The following NUBP2 variants were observed in gnomAD, a reference collection of about 807,000 sequenced individuals.
The protein encoded by NUBP2 is NUBP iron-sulfur cluster assembly factor 2, cytosolic.
In NUBP2, 23 loss-of-function variants were observed where a neutral mutation model predicts 24.9. That is an observed-to-expected ratio of 0.92 (90% confidence interval 0.66 to 1.31). NUBP2 has a LOEUF of 1.31. Among genes scored for constraint, NUBP2 ranks in the 50% most tolerant of loss-of-function variants. The pLI is 0.00. For synonymous variants in NUBP2, 186 were observed against 170.9 expected, an observed-to-expected ratio of 1.09 and a Z score of -0.69; for missense variants, 403 against 386.5, an observed-to-expected ratio of 1.04 and a Z score of -0.36.
rs1896795735 is a variant in NUBP2, at chr16:1,783,047, G to C, written c.16+11G>C. ...TGGAGGCGGCGGCCGGTGAGTGGCG[G>C]GCCAGGGTGCGGAGCCGCTCCAGGG... On this transcript the variant is annotated intron_variant, in intron 1 of 6. Transcript: ENST00000262302. 4 of 1,349,306 alleles carry C rather than the reference G, an allele frequency of 3.0e-6. No homozygotes were observed. In the East Asian group the frequency reaches 1.2e-4, roughly 42 times the overall value. 83.6% of individuals were successfully genotyped at this position (1,349,306 alleles called of 1,614,324 possible).
In NUBP2 at chr16:1,783,007, C is replaced by T; in HGVS notation, c.-14C>T. ...GTAAGCGGACTGCAGCCGCGAGCTC[C>T]TGGAGGCGGCGGGATGGAGGCGGCG... On this transcript the variant is annotated 5_prime_UTR_variant, in exon 1 of 7. Transcript: ENST00000262302. 4 of 1,395,196 alleles carry T rather than the reference C, an allele frequency of 2.9e-6. No homozygotes were observed. Among genetic ancestry groups the T allele is most frequent in the South Asian group, 1.5e-5 (1 of 68,156 alleles). 86.4% of individuals were successfully genotyped at this position (1,395,196 alleles called of 1,614,324 possible). A position where few individuals can be genotyped will look rare whatever the true frequency, so the allele number is the denominator to read the frequency against.
chr16:1,784,482 A>G, intron 1 of NUBP2: 1 of 151,738 alleles, frequency 6.6e-6, no homozygotes, highest in Admixed American at 6.6e-5. Context: ...GGCTCACTGC[A>G]ATCTCCACCT....
intron 1 of NUBP2, chr16:1,784,032 G>A: frequency 1.0e-6 from 1 of 985,174 alleles, no homozygotes; most frequent in Non-Finnish European, 1.2e-6. Context: ...GCCTGGAAAA[G>A]CCTGTCCTTA....
intron 1 of NUBP2, chr16:1,785,926 A>G (rs868551383): frequency 1.6e-6 from 2 of 1,278,912 alleles, no homozygotes; most frequent in Middle Eastern, 4.9e-4. Flanking sequence ...GGTTTTGCCA[A>G]GGTATCTGCA....
rs1026266472 is a variant in NUBP2, at chr16:1,782,992, T to C, written c.-29T>C. ...TGACGGCCCGCGGGCGTAAGCGGACTGCAGCCGCGAGCTCCTGGAGGCGGC... is the reference window on the plus strand; with the variant it reads ...TGACGGCCCGCGGGCGTAAGCGGACCGCAGCCGCGAGCTCCTGGAGGCGGC... On this transcript the variant is annotated 5_prime_UTR_variant, in exon 1 of 7. Transcript: ENST00000262302. The C allele has an allele frequency of 5.7e-6, 8 of 1,401,870 alleles. No homozygotes were observed. The Admixed American group carries it at 1.5e-4, about 26-fold the overall frequency. The allele number at this position is 1,401,870 out of a possible 1,614,324, so 86.8% of individuals were successfully genotyped here.
chr16:1,783,382 G>C (rs1295188155), intron 1 of NUBP2: 2 of 1,071,966 alleles, frequency 1.9e-6, no homozygotes, highest in Non-Finnish European at 2.3e-6. Flanking sequence ...CCGCAGCCCG[G>C]GCAAGAGCGA....
intron 3 of NUBP2, 108 bp downstream of exon 3, chr16:1,787,063 C>A: frequency 9.0e-7 from 1 of 1,108,314 alleles, no homozygotes; most frequent in Non-Finnish European, 1.2e-6. Flanking sequence ...TTCCTGGGGA[C>A]CTGCACATGA....
At chr16:1,785,536 C>T (rs1896920602) in intron 1 of NUBP2, 1 of 1,210,238 alleles carries the variant, frequency 8.3e-7, no homozygotes, top group Admixed American at 3.1e-5. Flanking sequence ...TCTGCACGGG[C>T]CACTTCTGGT....
intron 4 of NUBP2, 50 bp downstream of exon 4, chr16:1,787,881 C>T (rs1192146314): frequency 6.2e-7 from 1 of 1,601,260 alleles, no homozygotes; most frequent in Admixed American, 1.7e-5. Flanking sequence ...TCCCAGAGGG[C>T]TGGGCGGGTG....
chr16:1,785,897 G>A (rs563780077), intron 1 of NUBP2: 15 of 1,286,414 alleles, frequency 1.2e-5, no homozygotes, highest in African/African-American at 1.5e-5. Flanking sequence ...CAGCGGTGGC[G>A]CCGGGGTGAG....
At chr16:1,788,543 GCCA>G in intron 6 of NUBP2, 23 bp from the exon 7 acceptor site, 1 of 1,579,358 alleles carries the variant, frequency 6.3e-7, no homozygotes, top group Non-Finnish European at 8.6e-7. Context: ...CGGACATGGC[GCCA>G]CCGCCTCCAC....
In NUBP2 at chr16:1,788,304, A is replaced by T. The variant is rs945316165; in HGVS notation, c.670+97A>T. On this transcript the variant is annotated intron_variant, in intron 6 of 6. Coordinates refer to ENST00000262302, the MANE Select transcript of NUBP2 (RefSeq NM_012225.4). ...ATGCCCCCAGTGCCCAAGGGAGAGG[A>T]GGGGACGGGAGCGGTTTCCTCCTCT... 5 of 1,232,342 alleles carry T rather than the reference A, an allele frequency of 4.1e-6. No homozygotes were observed. In the Admixed American group the frequency reaches 1.6e-4, roughly 39 times the overall value. The allele number at this position is 1,232,342 out of a possible 1,614,324, so 76.3% of individuals were successfully genotyped here. A position where few individuals can be genotyped will look rare whatever the true frequency, so the allele number is the denominator to read the frequency against.
intron 6 of NUBP2, 75 bp downstream of exon 6, chr16:1,788,282 C>T (rs1897085901): frequency 7.5e-7 from 1 of 1,329,496 alleles, no homozygotes; most frequent in Non-Finnish European, 1.0e-6. Flanking sequence ...GACCTCCATG[C>T]CCCCAGTGCC....
intron 1 of NUBP2, chr16:1,786,033 G>A (rs547549157): frequency 6.9e-6 from 8 of 1,167,200 alleles, no homozygotes; most frequent in Admixed American, 3.6e-5. Flanking sequence ...CTCACTTACC[G>A]CACATTGCAG....
intron 1 of NUBP2, 31 bp downstream of exon 1, chr16:1,783,067 C>G (rs1160143744): frequency 8.0e-7 from 1 of 1,254,262 alleles, no homozygotes; most frequent in African/African-American, 1.6e-5. Context: ...CGGAGCCGCT[C>G]CAGGGCCTCG....
rs118104889 is a variant in NUBP2 at position 1,786,062 on chromosome 16, G to T, written c.17-475G>T. ...ATTGCAGGGACCGAGAGCCGGGGAC[G>T]CTGGTGTGTGACAACGCGTGGTTGT... On this transcript the variant is annotated intron_variant, in intron 1 of 6. Transcript: ENST00000262302. 3 of 1,088,040 alleles carry T rather than the reference G, an allele frequency of 2.8e-6. No individual in the cohort carries two copies. The African/African-American group carries it at 5.0e-5, about 18-fold the overall frequency. The allele number at this position is 1,088,040 out of a possible 1,614,324, so 67.4% of individuals were successfully genotyped here. A position where few individuals can be genotyped will look rare whatever the true frequency, so the allele number is the denominator to read the frequency against.
rs370754192 is a variant in NUBP2 at position 1,787,657 on chromosome 16, C to T, written c.335-20C>T. 1.3e-4 allele frequency: 206 copies of T among 1,610,184 alleles called. No individual in the cohort carries two copies. Among genetic ancestry groups the T allele is most frequent in the Admixed American group, 1.8e-4 (11 of 59,964 alleles). ...CAGACCTGCCCTGCCCTGACCGCCC[C>T]GTCTGCCCCGTCTTTGCAGCGCTGA... On this transcript the variant is annotated intron_variant, in intron 3 of 6. Transcript: ENST00000262302.
chr16:1,787,074 C>T (rs1897009447), intron 3 of NUBP2, 119 bp downstream of exon 3: 8 of 949,468 alleles, frequency 8.4e-6, no homozygotes, highest in South Asian at 2.0e-5. Flanking sequence ...CTGCACATGA[C>T]ACCCACGACC....
Position 1,785,347 on chromosome 16 carries a change from C to T in NUBP2, c.17-1190C>T, listed in dbSNP as rs893261356. ...GTTGTCCCGGTTCCTGACACTAAGGCCTGCATTTACCATGGTGCTCAGCCC... is the reference window on the plus strand; with the variant it reads ...GTTGTCCCGGTTCCTGACACTAAGGTCTGCATTTACCATGGTGCTCAGCCC... On this transcript the variant is annotated intron_variant, in intron 1 of 6. Transcript: ENST00000262302. 6.3e-6 allele frequency: 7 copies of T among 1,117,324 alleles called. No individual in the cohort carries two copies. The African/African-American group carries it at 9.8e-5, about 16-fold the overall frequency. The allele number at this position is 1,117,324 out of a possible 1,614,324, so 69.2% of individuals were successfully genotyped here. A position where few individuals can be genotyped will look rare whatever the true frequency, so the allele number is the denominator to read the frequency against.
Sources: allele counts gnomAD v4.1 joint callset, GRCh38; gene constraint gnomAD v4.1.1; transcripts MANE v1.5; gene names NCBI Gene and HGNC (gene_info 2026-07-23, HGNC 2026-07-21).